PLXDC2: variants seen among roughly 807,000 people sequenced by gnomAD.
The protein encoded by PLXDC2 is plexin domain containing 2, also known as plexin domain-containing protein 2.
Under a neutral mutation model 68.9 loss-of-function variants are expected in PLXDC2, and 40 were observed. That is an observed-to-expected ratio of 0.58 (90% CI 0.45 to 0.76). The LOEUF is 0.76. Ranked by LOEUF, PLXDC2 falls within the 30% of genes least tolerant of loss-of-function variation. The pLI is 0.00. For missense variants in PLXDC2, 644 were observed against 661.9 expected, an observed-to-expected ratio of 0.97 and a Z score of 0.30; for synonymous variants, 243 against 234.2, an observed-to-expected ratio of 1.04 and a Z score of -0.34.
chr10:20,143,177 TCCAGCTACC>T, intron 4 of PLXDC2, 109 bp from the exon 5 acceptor site: 1 of 1,079,738 alleles, frequency 9.3e-7, no homozygotes, highest in Non-Finnish European at 1.3e-6. Flanking sequence ...TTCCTTTTTT[TCCAGCTACC>T]ATGACATTTT....
intron 13 of PLXDC2, among the ~76,000 whole-genome samples, chr10:20,262,520 C>G (rs1445542166): frequency 6.6e-6 from 1 of 152,134 alleles, no homozygotes; most frequent in Non-Finnish European, 1.5e-5. Context: ...ATCTTTGGCA[C>G]TTTAGCCATT....
At chr10:20,090,223 T>G (rs1223340170) in intron 4 of PLXDC2, among the ~76,000 whole-genome samples, 1 of 152,212 alleles carries the variant, frequency 6.6e-6, no homozygotes, top group East Asian at 1.9e-4. Context: ...AAAATGCCCA[T>G]GTGTATTTTC....
chr10:19,845,405 C>T (rs930588800), intron 1 of PLXDC2, among the ~76,000 whole-genome samples: 4 of 152,018 alleles, frequency 2.6e-5, no homozygotes, highest in Admixed American at 6.5e-5. Context: ...ATGAGGTGTT[C>T]CTTGGGATCT....
At chr10:20,095,510 G>T (rs1317251197) in intron 4 of PLXDC2, among the ~76,000 whole-genome samples, 2 of 152,152 alleles carry the variant, frequency 1.3e-5, no homozygotes, top group Non-Finnish European at 2.9e-5. Context: ...GGGAGAGAAG[G>T]GAAAGGATCA....
At chr10:19,852,109 A>G (rs183892725) in intron 1 of PLXDC2, among the ~76,000 whole-genome samples, 2 of 152,260 alleles carry the variant, frequency 1.3e-5, no homozygotes, top group East Asian at 1.9e-4. Context: ...TCTGCATTGT[A>G]AACCATTTAT....
intron 3 of PLXDC2, among the ~76,000 whole-genome samples, chr10:20,062,555 G>C (rs1456156258): frequency 2.0e-5 from 3 of 152,122 alleles, no homozygotes; most frequent in African/African-American, 4.8e-5. Flanking sequence ...CCATGCTAAA[G>C]CATTGAATAA....
intron 2 of PLXDC2, among the ~76,000 whole-genome samples, chr10:20,040,008 G>A (rs996524402): frequency 2.0e-5 from 3 of 152,134 alleles, no homozygotes; most frequent in Non-Finnish European, 4.4e-5. Context: ...TTGGCCAAGA[G>A]GACCTCAGAG....
intron 1 of PLXDC2, among the ~76,000 whole-genome samples, chr10:19,973,296 G>GTA (rs751843912): frequency 0.023 from 1,738 of 76,756 alleles, 32 homozygotes; most frequent in African/African-American, 0.083. Flanking sequence ...ACATATATAT[G>GTA]TATATATATA....
intron 1 of PLXDC2, among the ~76,000 whole-genome samples, chr10:19,845,381 G>A (rs541857923): frequency 2.0e-5 from 3 of 152,256 alleles, no homozygotes; most frequent in Admixed American, 6.5e-5. Context: ...GAAGTGTCAC[G>A]TTAAGCCTGT....
intron 13 of PLXDC2, among the ~76,000 whole-genome samples, chr10:20,273,088 G>A (rs2119386033): frequency 6.6e-6 from 1 of 152,272 alleles, no homozygotes; most frequent in South Asian, 2.1e-4. Flanking sequence ...ATAGCATTGT[G>A]GTTGTAAAGA....
At chr10:20,055,219 A>G (rs987840007) in intron 3 of PLXDC2, among the ~76,000 whole-genome samples, 2 of 152,070 alleles carry the variant, frequency 1.3e-5, no homozygotes, top group Non-Finnish European at 2.9e-5. Flanking sequence ...GACTACTTGA[A>G]TATACATAGA....
chr10:19,970,851 G>A (rs1241564614), intron 1 of PLXDC2, among the ~76,000 whole-genome samples: 5 of 152,130 alleles, frequency 3.3e-5, no homozygotes, highest in Non-Finnish European at 7.3e-5. Flanking sequence ...GTGTTGCACT[G>A]ATGCCCCTGA....
intron 1 of PLXDC2, among the ~76,000 whole-genome samples, chr10:19,889,013 TAATCTTGCAGAGGGTAGTAGAAAA>T (rs1837899291): frequency 1.3e-5 from 2 of 152,040 alleles, no homozygotes; most frequent in South Asian, 4.1e-4. Flanking sequence ...GCCCATGGCT[TAATCTTGCAGAGGGTAGTAGAAAA>T]AAAATACCAT....
intron 1 of PLXDC2, among the ~76,000 whole-genome samples, chr10:19,861,959 C>T (rs139699101): frequency 6.6e-6 from 1 of 152,118 alleles, no homozygotes; most frequent in African/African-American, 2.4e-5. Flanking sequence ...TTGATTTCAA[C>T]CACCTAGGGA....
chr10:20,203,471 A>ATTTTTC (rs1370408898), intron 9 of PLXDC2, among the ~76,000 whole-genome samples: 1 of 151,220 alleles, frequency 6.6e-6, no homozygotes. Context: ...TGCCTGGCTA[A>ATTTTTC]TTTTTCTTTT....
intron 6 of PLXDC2, among the ~76,000 whole-genome samples, chr10:20,152,101 A>G (rs371230510): frequency 1.3e-5 from 2 of 152,152 alleles, no homozygotes; most frequent in East Asian, 3.8e-4. Context: ...AAGCATGTAC[A>G]TGACCTCCAA....
At chr10:20,158,604 A>AGT (rs1391950979) in intron 6 of PLXDC2, among the ~76,000 whole-genome samples, 1 of 151,764 alleles carries the variant, frequency 6.6e-6, no homozygotes. Flanking sequence ...TTGAGACTGC[A>AGT]GTGAACTGTG....
rs544042857 is a variant in PLXDC2, at chr10:20,224,924, G to A, written c.1312+5822G>A. On this transcript the variant is annotated intron_variant, in intron 12 of 13. Transcript: ENST00000377252. ...TTTTATCATTTCTTCTTATTGCTGC[G>A]AAGTTTATGAACCTGAACTCTGAAA... 3.9e-4 allele frequency among the ~76,000 whole-genome samples: 59 copies of A among 152,118 alleles called. No individual in the cohort carries two copies. In the Middle Eastern group the frequency reaches 0.01, roughly 26 times the overall value.
intron 13 of PLXDC2, among the ~76,000 whole-genome samples, chr10:20,271,709 C>G (rs1835942944): frequency 6.6e-6 from 1 of 152,088 alleles, no homozygotes; most frequent in Non-Finnish European, 1.5e-5. Flanking sequence ...CTATGGAATG[C>G]AGGCTGGCAG....
Sources: allele counts gnomAD v4.1 joint callset (sites outside exome capture counted in the v4.1 genomes callset), GRCh38; gene constraint gnomAD v4.1.1; transcripts MANE v1.5; gene names NCBI Gene and HGNC (gene_info 2026-07-23, HGNC 2026-07-21).